Variants in IL36A observed in about 807,000 individuals in gnomAD.
IL36A encodes the protein interleukin 36 alpha, also known as interleukin-36 alpha.
In IL36A, 13 loss-of-function variants were observed where a neutral mutation model predicts 12.7. The observed-to-expected ratio is 1.02, with a 90% CI of 0.67 to 1.63. The LOEUF is 1.63. Ranked by LOEUF, IL36A falls within the 40% of genes most tolerant of loss-of-function variation. IL36A has a pLI of 0.00. For synonymous variants in IL36A, 73 were observed against 71.9 expected (o/e 1.01, Z -0.08); for missense variants, 195 against 192.9 (o/e 1.01, Z -0.07).
At chr2:113,011,044 G>C (rs866241464), downstream of IL36A, among the ~76,000 whole-genome samples, 1 of 152,106 alleles carries the variant, frequency 6.6e-6, no homozygotes, top group Non-Finnish European at 1.5e-5. Flanking sequence ...GTCCCAAATG[G>C]CTGGATTTTC....
chr2:113,006,885 G>T (rs777515423), intron 3 of IL36A, 148 bp downstream of exon 3: 2 of 669,626 alleles, frequency 3.0e-6, no homozygotes, highest in Non-Finnish European at 4.7e-6. Context: ...AAGAAAAATT[G>T]CAGGGACATT....
chr2:113,009,835 A>T (rs545731843), downstream of IL36A, among the ~76,000 whole-genome samples: 1 of 152,252 alleles, frequency 6.6e-6, no homozygotes, highest in South Asian at 2.1e-4. Context: ...CTGAGAGTCT[A>T]CTGTGGGTTT....
rs1270221215 is a variant in IL36A at position 113,005,575 on chromosome 2, C to G, written c.-297C>G. On this transcript the variant is annotated 5_prime_UTR_variant, in exon 1 of 4. Coordinates refer to ENST00000259211, the MANE Select transcript of IL36A (RefSeq NM_014440.3). The stretch of plus-strand genomic sequence containing the variant: ...GTCTGGTGACCTCTGATTTTTTTTG[C>G]TTCCAGGTCTTTGGCCTTGGCACTC... The G allele has an allele frequency of 5.8e-6, 3 of 521,678 alleles. No individual in the cohort carries two copies. The highest frequency in any genetic ancestry group is 1.0e-5 in the Non-Finnish European group (3 of 289,764). The allele number at this position is 521,678 out of a possible 1,614,324, so 32.3% of individuals were successfully genotyped here. A position where few individuals can be genotyped will look rare whatever the true frequency, so the allele number is the denominator to read the frequency against.
Position 113,005,887 on chromosome 2 carries a change from G to A in IL36A, c.10+6G>A. Reference sequence around the variant, plus strand: ...CACCACCACAATGGAAAAAGGTAAAGATCCTCGTGGAAGGGCGAAAAATTG... The same window carrying A: ...CACCACCACAATGGAAAAAGGTAAAAATCCTCGTGGAAGGGCGAAAAATTG... On this transcript the variant is annotated splice_donor_region_variant and intron_variant, in intron 1 of 3. Transcript: ENST00000259211. 1.2e-6 allele frequency: 2 copies of A among 1,614,094 alleles called. No individual in the cohort carries two copies. Among genetic ancestry groups the A allele is most frequent in the Non-Finnish European group, 1.7e-6 (2 of 1,179,976 alleles).
At position 113,006,021 on chromosome 2, in the gene IL36A, C is replaced by T. The variant is rs749638456; in HGVS notation, c.58C>T (p.His20Tyr). ...PQQGSIQDIN[H>Y]RVWVLQDQTL... Reference sequence around the variant, plus strand: ...GCAGGGGAGCATTCAGGATATCAATCATCGGGTGTGGGTTCTTCAGGACCA... The same window carrying T: ...GCAGGGGAGCATTCAGGATATCAATTATCGGGTGTGGGTTCTTCAGGACCA... The change falls in exon 2 of 4, where the codon CAT (histidine) becomes TAT (tyrosine). Residue 20 changes from histidine (H) to tyrosine (Y), a missense_variant. By Grantham distance (83) the His-to-Tyr change is moderately conservative (BLOSUM62 2). Coordinates refer to ENST00000259211, the MANE Select transcript of IL36A (RefSeq NM_014440.3). The T allele has an allele frequency of 1.2e-6, 2 of 1,614,118 alleles. No homozygotes were observed. The highest frequency in any genetic ancestry group is 3.3e-5 in the Admixed American group (2 of 60,026).
rs544436443 is a variant in IL36A at position 113,005,992 on chromosome 2, C to T, written c.29C>T (p.Pro10Leu). The change falls in exon 2 of 4, where the codon CCT (proline) becomes CTT (leucine). Residue 10 changes from proline to leucine, a missense_variant. By Grantham distance (98) the Pro-to-Leu change is moderately conservative. Coordinates refer to ENST00000259211, the MANE Select transcript of IL36A (RefSeq NM_014440.3). MEKALKIDT[P>L]QQGSIQDINH... ...TCAACAGCATTGAAAATTGACACACCTCAGCAGGGGAGCATTCAGGATATC... is the reference window on the plus strand; with the variant it reads ...TCAACAGCATTGAAAATTGACACACTTCAGCAGGGGAGCATTCAGGATATC... The T allele has an allele frequency of 4.3e-6, 7 of 1,613,690 alleles. No homozygotes were observed. In the South Asian group the frequency reaches 6.6e-5, roughly 15 times the overall value.
downstream of IL36A, among the ~76,000 whole-genome samples, chr2:113,008,208 C>T (rs1684667926): frequency 6.6e-6 from 1 of 152,160 alleles, no homozygotes; most frequent in African/African-American, 2.4e-5. Context: ...GGTCCCTCTC[C>T]CTGGGGCCAT....
intron 3 of IL36A, among the ~76,000 whole-genome samples, 156 bp downstream of exon 3, chr2:113,006,893 A>AC (rs1279449178): frequency 6.6e-6 from 1 of 152,238 alleles, no homozygotes; most frequent in Admixed American, 6.5e-5. Flanking sequence ...TTGCAGGGAC[A>AC]TTTTGAAACA....
intron 3 of IL36A, 119 bp from the exon 4 acceptor site, chr2:113,007,713 C>T (rs1573355486): frequency 1.3e-6 from 1 of 762,500 alleles, no homozygotes; most frequent in Non-Finnish European, 2.3e-6. Flanking sequence ...AAACAGAGGT[C>T]TCCAAGCTGC....
intron 2 of IL36A, 38 bp downstream of exon 2, chr2:113,006,125 C>T: frequency 7.5e-7 from 1 of 1,324,826 alleles, no homozygotes; most frequent in Non-Finnish European, 1.1e-6. Flanking sequence ...GCTCCTTTGG[C>T]CAGTGCTGTT....
intron 2 of IL36A, 70 bp downstream of exon 2, chr2:113,006,157 T>A: frequency 1.0e-6 from 1 of 964,314 alleles, no homozygotes; most frequent in Non-Finnish European, 1.7e-6. Context: ...GCTCAGATGT[T>A]ATTCCACAGT....
At chr2:113,008,389 C>T (rs1431527413), downstream of IL36A, 3 of 178,000 alleles carry the variant, frequency 1.7e-5, no homozygotes, top group Admixed American at 7.3e-5. Flanking sequence ...GAGACGGAGT[C>T]TCGCTCTGTC....
intron 2 of IL36A, 53 bp downstream of exon 2, chr2:113,006,140 G>A (rs1684616338): frequency 3.5e-6 from 4 of 1,154,038 alleles, no homozygotes; most frequent in Non-Finnish European, 5.2e-6. Context: ...GCTGTTGTGT[G>A]TTTGGTGCTC....
chr2:113,005,746 G>A lies in IL36A; in HGVS notation c.-126G>A. 1.9e-6 allele frequency: 2 copies of A among 1,030,872 alleles called. No homozygotes were observed. The highest frequency in any genetic ancestry group is 1.3e-5 in the South Asian group (1 of 78,056). The allele number at this position is 1,030,872 out of a possible 1,614,324, so 63.9% of individuals were successfully genotyped here. A position where few individuals can be genotyped will look rare whatever the true frequency, so the allele number is the denominator to read the frequency against. On this transcript the variant is annotated 5_prime_UTR_variant, in exon 1 of 4. Transcript: ENST00000259211. Reference sequence around the variant, plus strand: ...TTCTGACTGGGGTCACTGCTGGGCTGGCCGCCAGTCTTTCATCTGACCCAG... The same window carrying A: ...TTCTGACTGGGGTCACTGCTGGGCTAGCCGCCAGTCTTTCATCTGACCCAG...
At position 113,005,918 on chromosome 2, in the gene IL36A, G is replaced by A. The variant is rs367615872; in HGVS notation, c.10+37G>A. ...CGTGGAAGGGCGAAAAATTGACAAGGGGGTGATATTCTGTGCTCTCATTCT... is the reference window on the plus strand; with the variant it reads ...CGTGGAAGGGCGAAAAATTGACAAGAGGGTGATATTCTGTGCTCTCATTCT... On this transcript the variant is annotated intron_variant, in intron 1 of 3. Transcript: ENST00000259211. 29 of 1,613,606 alleles carry A rather than the reference G, an allele frequency of 1.8e-5. No individual in the cohort carries two copies. In the African/African-American group the frequency reaches 3.9e-4, roughly 22 times the overall value.
rs1259946883 is a variant in IL36A at position 113,006,107 on chromosome 2, G to T, written c.124+20G>T. 6.7e-7 allele frequency: 1 copy of T among 1,488,186 alleles called. No homozygotes were observed. The highest frequency in any genetic ancestry group is 2.3e-5 in the East Asian group (1 of 44,234). The allele number at this position is 1,488,186 out of a possible 1,614,324, so 92.2% of individuals were successfully genotyped here. ...CTCCAGGTGAGTAGCCACGGTCTGTGAAAGGCAGCTCCTTTGGCCAGTGCT... is the reference window on the plus strand; with the variant it reads ...CTCCAGGTGAGTAGCCACGGTCTGTTAAAGGCAGCTCCTTTGGCCAGTGCT... On this transcript the variant is annotated intron_variant, in intron 2 of 3. Coordinates refer to ENST00000259211, the MANE Select transcript of IL36A (RefSeq NM_014440.3).
At position 113,007,821 on chromosome 2, in the gene IL36A, G is replaced by A. The variant is rs1361468749; in HGVS notation, c.265-11G>A. The A allele has an allele frequency of 1.2e-6, 2 of 1,606,130 alleles. No individual in the cohort carries two copies. The highest frequency in any genetic ancestry group is 8.5e-7 in the Non-Finnish European group (1 of 1,172,806). Reference sequence around the variant, plus strand: ...TATGTTTCTTGCTGGTGTCTCCTTCGCACCCTTCAGGAAAAGGATATAATG... The same window carrying A: ...TATGTTTCTTGCTGGTGTCTCCTTCACACCCTTCAGGAAAAGGATATAATG... On this transcript the variant is annotated splice_polypyrimidine_tract_variant and intron_variant, in intron 3 of 3. Coordinates refer to ENST00000259211, the MANE Select transcript of IL36A (RefSeq NM_014440.3).
chr2:113,008,589 T>A, downstream of IL36A: 1 of 245,138 alleles, frequency 4.1e-6, no homozygotes, highest in Non-Finnish European at 8.1e-6. Flanking sequence ...GACTCTTAAA[T>A]TTTAAGTCCA....
At chr2:113,008,308 C>T (rs1000817039), downstream of IL36A, among the ~76,000 whole-genome samples, 4 of 150,804 alleles carry the variant, frequency 2.7e-5, no homozygotes, top group African/African-American at 9.8e-5. Context: ...GAAAGCTCTA[C>T]TTAACATAAT....
Sources: allele counts gnomAD v4.1 joint callset (sites outside exome capture counted in the v4.1 genomes callset), GRCh38; gene constraint gnomAD v4.1.1; transcripts MANE v1.5; gene names NCBI Gene and HGNC (gene_info 2026-07-23, HGNC 2026-07-21).